The following DSTYK variants were observed in gnomAD, a reference collection of about 807,000 sequenced individuals.
DSTYK encodes RIP-homologous kinase.
DSTYK carries 34 observed loss-of-function variants against 98.7 expected under a neutral mutation model. That is an observed-to-expected ratio of 0.34 (90% CI 0.26 to 0.46). The LOEUF is 0.46. Among genes scored for constraint, DSTYK ranks in the 20% least tolerant of loss-of-function variants. DSTYK has a pLI of 1.00. For missense variants in DSTYK, 962 were observed against 1,181.7 expected, an observed-to-expected ratio of 0.81 and a Z score of 2.73; for synonymous variants, 462 against 457.3, an observed-to-expected ratio of 1.01 and a Z score of -0.13.
In DSTYK at chr1:205,150,477, T is replaced by C. The variant is rs1439413069; in HGVS notation, c.2467+203A>G. Among the ~76,000 whole-genome samples the C allele has an allele frequency of 2.0e-5, 3 of 152,152 alleles. No individual in the cohort carries two copies. Among genetic ancestry groups the C allele is most frequent in the East Asian group, 1.9e-4 (1 of 5,194 alleles). ...ACCGAGAGAGATGTCCAAATGGTGA[T>C]TCCCATTTGTACTTTTTCTTTCTTA... On this transcript the variant is annotated intron_variant, in intron 11 of 12. Transcript: ENST00000367162. This position sits in a 1 kb window ranked among gnomAD's most constrained non-coding sequence, Gnocchi z 4.1.
In DSTYK at chr1:205,163,222, T is replaced by TA. The variant is rs34880166; in HGVS notation, c.1558-217_1558-216insT. Among the ~76,000 whole-genome samples, 28,710 of 151,746 alleles carry TA rather than the reference T, an allele frequency of 0.19. 3,509 individuals carry two copies. Among genetic ancestry groups the TA allele is most frequent in the East Asian group, 0.52 (2,654 of 5,152 alleles). On this transcript the variant is annotated intron_variant, in intron 4 of 12. Coordinates refer to ENST00000367162, the MANE Select transcript of DSTYK (RefSeq NM_015375.3). Reference sequence around the variant, plus strand: ...ATATTCATCAACTTATTTTTTTATTTTTTTTTTTATTTTTTAGACAGAGTT... The same window carrying TA: ...ATATTCATCAACTTATTTTTTTATTTATTTTTTTTATTTTTTAGACAGAGTT...
intron 1 of DSTYK, 113 bp from the exon 2 acceptor site, chr1:205,187,919 G>A: frequency 9.1e-7 from 1 of 1,097,570 alleles, no homozygotes; most frequent in Non-Finnish European, 1.3e-6. Context: ...AGGTCCTAGA[G>A]GAGAAATTTC....
chr1:205,196,449 A>T (rs1658868322), intron 1 of DSTYK, among the ~76,000 whole-genome samples: 1 of 151,956 alleles, frequency 6.6e-6, no homozygotes, highest in African/African-American at 2.4e-5. Flanking sequence ...CCCAGATACT[A>T]GGGAGGCTGA....
At chr1:205,166,123 A>C (rs1407023042) in intron 3 of DSTYK, among the ~76,000 whole-genome samples, 3 of 152,238 alleles carry the variant, frequency 2.0e-5, no homozygotes, top group Admixed American at 1.3e-4. Flanking sequence ...CATTAGAAGA[A>C]GACAAATTTG....
intron 2 of DSTYK, among the ~76,000 whole-genome samples, chr1:205,182,617 C>A (rs1043881012): frequency 1.3e-4 from 20 of 151,134 alleles, no homozygotes; most frequent in African/African-American, 4.6e-4. Flanking sequence ...ACCAGCCTGG[C>A]CAACATGGCG....
intron 1 of DSTYK, among the ~76,000 whole-genome samples, chr1:205,195,316 A>C (rs1039307899): frequency 2.0e-5 from 3 of 152,238 alleles, no homozygotes; most frequent in African/African-American, 7.2e-5. Context: ...AGAGAAAAGA[A>C]CAAATCCTAA....
intron 2 of DSTYK, among the ~76,000 whole-genome samples, chr1:205,179,320 T>C (rs1658324233): frequency 6.6e-6 from 1 of 151,668 alleles, no homozygotes; most frequent in South Asian, 2.1e-4. Context: ...GAAAGTAGAA[T>C]AAAAGATAGA....
At chr1:205,201,115 G>C (rs1418676483) in intron 1 of DSTYK, among the ~76,000 whole-genome samples, 3 of 152,010 alleles carry the variant, frequency 2.0e-5, no homozygotes, top group African/African-American at 7.3e-5. Flanking sequence ...ATGTTGGTCA[G>C]GCTGCTCTCG....
chr1:205,163,280 C>T (rs551053302), intron 4 of DSTYK, among the ~76,000 whole-genome samples: 11 of 151,980 alleles, frequency 7.2e-5, no homozygotes, highest in East Asian at 5.8e-4. Flanking sequence ...AGTGCAATGG[C>T]GTGATCTTGG....
intron 1 of DSTYK, among the ~76,000 whole-genome samples, chr1:205,192,653 G>A (rs529265085): frequency 1.3e-5 from 2 of 152,196 alleles, no homozygotes; most frequent in Admixed American, 1.3e-4. Flanking sequence ...CCTGAGGTCA[G>A]GAGTTCGAGA....
At chr1:205,202,815 T>C (rs1659081962) in intron 1 of DSTYK, 1 of 530,498 alleles carries the variant, frequency 1.9e-6, no homozygotes, top group Non-Finnish European at 3.4e-6. Flanking sequence ...AATAAAGGCA[T>C]AATCTGTATG....
In DSTYK at chr1:205,160,154, T is replaced by G. The variant is rs996851438; in HGVS notation, c.2065A>C (p.Lys689Gln). The G allele has an allele frequency of 1.2e-6, 2 of 1,614,094 alleles. No individual in the cohort carries two copies. Among genetic ancestry groups the G allele is most frequent in the Middle Eastern group, 1.6e-4 (1 of 6,062 alleles). ...TCCAAAGCCAGATCATTCCAGTGCT[T>G]CTCATCTGGAGGGACAACTGATTTG... The part of the protein sequence containing the change: ...ALKSVVPPDE[K>Q]HWNDLALEFH... Residue 689 changes from lysine (K) to glutamine (Q), a missense_variant, in exon 8 of 13, where the codon AAG (lysine) becomes CAG (glutamine). Lys to Gln is a moderately conservative substitution (Grantham distance 53, BLOSUM62 1). Transcript: ENST00000367162.
intron 2 of DSTYK, among the ~76,000 whole-genome samples, chr1:205,184,487 G>A (rs1460247565): frequency 2.6e-5 from 4 of 151,934 alleles, no homozygotes; most frequent in South Asian, 2.1e-4. Context: ...AAAGAGAATC[G>A]CTTGAACCCG....
intron 11 of DSTYK, among the ~76,000 whole-genome samples, chr1:205,148,904 T>A (rs775531809): frequency 1.6e-5 from 2 of 128,478 alleles, no homozygotes; most frequent in Non-Finnish European, 3.2e-5. Flanking sequence ...TTAGAAAGTG[T>A]TTTTTTTTTT....
intron 10 of DSTYK, among the ~76,000 whole-genome samples, chr1:205,154,109 C>T (rs914430290): frequency 2.0e-5 from 3 of 150,898 alleles, no homozygotes; most frequent in South Asian, 4.2e-4. Flanking sequence ...AAAGAGAGAG[C>T]GTACATTTTG....
chr1:205,147,598 TTGGACTTG>T lies in DSTYK; in HGVS notation c.2742_2749del (p.Cys914Ter). 1 of 1,613,624 alleles carries T rather than the reference TTGGACTTG, an allele frequency of 6.2e-7. No homozygotes were observed. The highest frequency in any genetic ancestry group is 1.1e-5 in the South Asian group (1 of 91,072). The stretch of plus-strand genomic sequence containing the variant: ...TAGTCCTCTGTTTGGCTGCTCAGAA[TTGGACTTG>T]CAGAGCCGATTCATGATGCCCTGGA... On this transcript the variant is annotated stop_gained and frameshift_variant, in exon 13 of 13. Transcript: ENST00000367162. LOFTEE classifies it high-confidence loss of function.
intron 1 of DSTYK, chr1:205,202,388 C>T (rs896951743): frequency 3.3e-5 from 24 of 735,452 alleles, no homozygotes; most frequent in South Asian, 2.2e-4. Context: ...ACAATGGTTG[C>T]GTTGGTTGGT....
At chr1:205,151,391 C>T (rs1218965594) in intron 10 of DSTYK, among the ~76,000 whole-genome samples, 1 of 152,118 alleles carries the variant, frequency 6.6e-6, no homozygotes, top group Non-Finnish European at 1.5e-5. Context: ...ATTTTTTAAG[C>T]TTTTTGTTTG....
At chr1:205,164,040 A>G in intron 3 of DSTYK, 85 bp from the exon 4 acceptor site, 1 of 1,133,848 alleles carries the variant, frequency 8.8e-7, no homozygotes, top group Non-Finnish European at 1.3e-6. Flanking sequence ...AATCAGAACC[A>G]TGGAACTACC....
Sources: allele counts gnomAD v4.1 joint callset (sites outside exome capture counted in the v4.1 genomes callset), GRCh38; gene constraint gnomAD v4.1.1; non-coding constraint Gnocchi (gnomAD v3.1); transcripts MANE v1.5; gene names NCBI Gene and HGNC (gene_info 2026-07-23, HGNC 2026-07-21).